Variants in DMD observed in about 807,000 individuals in gnomAD.
DMD encodes dystrophin, also known as mutant dystrophin.
Under a neutral mutation model 330.1 loss-of-function variants are expected in DMD, and 63 were observed. The observed-to-expected ratio is 0.19, with a 90% CI of 0.16 to 0.24. DMD has a LOEUF of 0.24. DMD is among the 10% of genes least tolerant of loss of function. DMD has a pLI of 1.00. For missense variants in DMD, 3,344 were observed against 2,684.1 expected, an observed-to-expected ratio of 1.25 and a Z score of -5.43; for synonymous variants, 1,223 against 959.8, an observed-to-expected ratio of 1.27 and a Z score of -5.07.
intron 37 of DMD, among the ~76,000 whole-genome samples, chrX:32,357,500 A>G (rs762535460): frequency 9.8e-4 from 109 of 111,189 alleles, no homozygotes; most frequent in African/African-American, 3.3e-3. Context: ...ACTGATCTAG[A>G]CTGAAATTTC....
At chrX:32,443,525 G>A (rs1204535635) in intron 27 of DMD, among the ~76,000 whole-genome samples, 2 of 110,818 alleles carry the variant, frequency 1.8e-5, no homozygotes, top group Non-Finnish European at 3.8e-5. Flanking sequence ...GGGTACCTTA[G>A]AGCTTTGAAG....
chrX:31,365,094 CAAAAAAAA>C (rs35244488), intron 60 of DMD, among the ~76,000 whole-genome samples: 2 of 44,147 alleles, frequency 4.5e-5, no homozygotes, highest in African/African-American at 8.7e-5. Context: ...GACCCCATCT[CAAAAAAAA>C]AAAAAAAAAA....
chrX:33,317,526 C>T (rs746701252), intron 1 of DMD, among the ~76,000 whole-genome samples: 2 of 111,101 alleles, frequency 1.8e-5, no homozygotes, highest in East Asian at 5.7e-4. Context: ...TTTAGATTCC[C>T]ATATACTATA....
chrX:32,079,831 G>A (rs1485337816), intron 44 of DMD, among the ~76,000 whole-genome samples: 1 of 111,811 alleles, frequency 8.9e-6, no homozygotes, highest in Admixed American at 9.5e-5. Flanking sequence ...TATCTTGATT[G>A]TTAATTGCTG....
intron 55 of DMD, among the ~76,000 whole-genome samples, chrX:31,581,870 C>A (rs1294051817): frequency 8.9e-6 from 1 of 111,782 alleles, no homozygotes; most frequent in Admixed American, 9.5e-5. Flanking sequence ...CCGTAAATTT[C>A]TTTCGACTTT....
chrX:33,207,639 G>A (rs1271747860), intron 1 of DMD, among the ~76,000 whole-genome samples: 2 of 110,987 alleles, frequency 1.8e-5, no homozygotes, highest in Non-Finnish European at 3.8e-5. Flanking sequence ...TTATCCCATG[G>A]TGTTGCCATT....
intron 63 of DMD, among the ~76,000 whole-genome samples, chrX:31,234,884 G>C (rs947681782): frequency 1.8e-5 from 2 of 111,297 alleles, no homozygotes; most frequent in African/African-American, 6.5e-5. Flanking sequence ...AAGGAGCAGG[G>C]TGGGGTTTGG....
At chrX:32,952,141 T>C (rs1422319059) in intron 2 of DMD, among the ~76,000 whole-genome samples, 2 of 106,612 alleles carry the variant, frequency 1.9e-5, no homozygotes, top group African/African-American at 3.5e-5. Context: ...TTTTGTTTGT[T>C]TTTTTTTTTT....
intron 70 of DMD, chrX:31,178,233 A>G: frequency 1.3e-6 from 1 of 753,500 alleles, no homozygotes; most frequent in Non-Finnish European, 1.6e-6. Flanking sequence ...CTTACTGTGA[A>G]GTAGTTTCCT....
intron 1 of DMD, among the ~76,000 whole-genome samples, chrX:33,264,762 A>G (rs1028727372): frequency 9.0e-6 from 1 of 110,795 alleles, no homozygotes; most frequent in African/African-American, 3.3e-5. Context: ...CAATTTTCAA[A>G]GAAATTAGCA....
rs774269765 is a variant in DMD, at chrX:32,978,544, G to A, written c.93+41595C>T. The stretch of plus-strand genomic sequence containing the variant: ...GAGTGCAGTGGTGCAATCTCGGCTC[G>A]ATGCAACCTCCGCCTCCCAGGCTCA... On this transcript the variant is annotated intron_variant, in intron 2 of 78. Transcript: ENST00000357033. 1.4e-4 allele frequency among the ~76,000 whole-genome samples: 16 copies of A among 110,774 alleles called. No homozygotes were observed. The East Asian group carries it at 3.9e-3, about 27-fold the overall frequency.
At chrX:32,554,813 GGAGGGAGGGAGGGGGAGGGAGAGA>G (rs1569189280) in intron 16 of DMD, among the ~76,000 whole-genome samples, 4 of 14,542 alleles carry the variant, frequency 2.8e-4, no homozygotes, top group East Asian at 7.2e-3. Flanking sequence ...AGGGAGGGAG[GGAGGGAGGGAGGGGGAGGGAGAGA>G]GAGAGAGAGA....
At chrX:32,425,689 G>A (rs1407030922) in intron 29 of DMD, among the ~76,000 whole-genome samples, 1 of 111,263 alleles carries the variant, frequency 9.0e-6, no homozygotes, top group East Asian at 2.8e-4. Context: ...ATGAGAGAAG[G>A]AGCAAAGAAA....
chrX:32,250,551 A>T (rs958492238), intron 43 of DMD, among the ~76,000 whole-genome samples: 2 of 112,240 alleles, frequency 1.8e-5, no homozygotes, highest in African/African-American at 6.5e-5. Flanking sequence ...CTCTGACACA[A>T]AACATTTTTC....
intron 12 of DMD, among the ~76,000 whole-genome samples, chrX:32,596,638 C>T (rs754781791): frequency 5.4e-5 from 6 of 110,318 alleles, no homozygotes; most frequent in African/African-American, 1.7e-4. Context: ...CTCCACCTAC[C>T]GGGTTCAAGG....
chrX:32,865,028 T>C (rs1162643838), intron 2 of DMD, among the ~76,000 whole-genome samples: 1 of 111,548 alleles, frequency 9.0e-6, no homozygotes, highest in Non-Finnish European at 1.9e-5. Flanking sequence ...ATATAGTATC[T>C]GGAAGCAAAT....
At chrX:31,769,567 C>G (rs752220512) in intron 51 of DMD, among the ~76,000 whole-genome samples, 1 of 111,536 alleles carries the variant, frequency 9.0e-6, no homozygotes, top group African/African-American at 3.3e-5. Context: ...CTGGGCCACA[C>G]ATAAAATACA....
At position 31,814,482 on chromosome X, in the gene DMD, CAAAAAAAAAAAAA is replaced by C. The variant is rs151208391; in HGVS notation, c.7309+5480_7309+5492del. On this transcript the variant is annotated intron_variant, in intron 50 of 78. Coordinates refer to ENST00000357033, the MANE Select transcript of DMD (RefSeq NM_004006.3). ...TGGGCGACAGAGTGAGACTCCGTCTCAAAAAAAAAAAAAAAAAAAAAAAAAAAAAAAAAGAAAA... is the reference window on the plus strand; with the variant it reads ...TGGGCGACAGAGTGAGACTCCGTCTCAAAAAAAAAAAAAAAAAAAAGAAAA... Among the ~76,000 whole-genome samples, 18 of 28,992 alleles carry C rather than the reference CAAAAAAAAAAAAA, an allele frequency of 6.2e-4. No individual in the cohort carries two copies. In the South Asian group the frequency reaches 0.028, roughly 45 times the overall value. 25.2% of individuals were successfully genotyped at this position (28,992 alleles called of 115,157 possible). A position where few individuals can be genotyped will look rare whatever the true frequency, so the allele number is the denominator to read the frequency against.
intron 77 of DMD, among the ~76,000 whole-genome samples, chrX:31,128,526 T>C (rs2034045713): frequency 8.9e-6 from 1 of 112,307 alleles, no homozygotes; most frequent in African/African-American, 3.2e-5. Flanking sequence ...TAGAAAGCCA[T>C]GTGATTTAGA....
Sources: gnomAD v4.1 joint callset for allele counts (sites outside exome capture counted in the v4.1 genomes callset) on GRCh38, gnomAD v4.1.1 for gene constraint, MANE v1.5 for transcripts, NCBI Gene and HGNC (gene_info 2026-07-23, HGNC 2026-07-21) for gene names.